The following MEMO1 variants were observed in gnomAD, a reference collection of about 807,000 sequenced individuals.
MEMO1 encodes protein MEMO1.
MEMO1 carries 6 observed loss-of-function variants against 45.2 expected under a neutral mutation model. The observed-to-expected ratio is 0.13, with a 90% CI of 0.07 to 0.26. The LOEUF (loss-of-function observed/expected upper bound fraction) is 0.26. Among genes scored for constraint, MEMO1 ranks in the 10% least tolerant of loss-of-function variants. The pLI is 1.00. For synonymous variants in MEMO1, 78 were observed against 124.3 expected (o/e 0.63, Z 2.48); for missense variants, 184 against 370.5 (o/e 0.50, Z 4.13).
intron 2 of MEMO1, among the ~76,000 whole-genome samples, chr2:31,976,921 C>A (rs1388580617): frequency 1.3e-5 from 2 of 152,088 alleles, no homozygotes; most frequent in East Asian, 1.9e-4. Context: ...TTATTGAGAT[C>A]TTTGTGTATA....
chr2:31,892,613 G>A (rs1398962663), intron 6 of MEMO1, among the ~76,000 whole-genome samples: 2 of 152,132 alleles, frequency 1.3e-5, no homozygotes, highest in South Asian at 2.1e-4. Context: ...TGCCAAGTGA[G>A]ACCTAAAAAC....
chr2:31,969,593 GTGTGTGT>G (rs1558542055), intron 2 of MEMO1, among the ~76,000 whole-genome samples: 206 of 68,932 alleles, frequency 3.0e-3, no homozygotes, highest in African/African-American at 7.5e-3. Flanking sequence ...GTGGGTGTGT[GTGTGTGT>G]GTGTGTGTGT....
At chr2:31,879,855 T>C (rs1462499950) in intron 8 of MEMO1, among the ~76,000 whole-genome samples, 2 of 152,174 alleles carry the variant, frequency 1.3e-5, no homozygotes, top group Non-Finnish European at 2.9e-5. Context: ...ACAAAACCCA[T>C]GTATAAGACT....
At chr2:32,000,701 C>T (rs997251838) in intron 2 of MEMO1, among the ~76,000 whole-genome samples, 20 of 152,108 alleles carry the variant, frequency 1.3e-4, no homozygotes, top group African/African-American at 4.1e-4. Context: ...AATATTGCAG[C>T]CTGGACCCCT....
chr2:31,983,718 G>A (rs1670936218), intron 2 of MEMO1, among the ~76,000 whole-genome samples: 2 of 152,352 alleles, frequency 1.3e-5, no homozygotes, highest in Non-Finnish European at 2.9e-5. Flanking sequence ...ACAGGCGTGA[G>A]CCACCGCGCC....
chr2:31,879,209 G>A (rs945653350), intron 8 of MEMO1, among the ~76,000 whole-genome samples: 3 of 152,130 alleles, frequency 2.0e-5, no homozygotes, highest in Non-Finnish European at 4.4e-5. Flanking sequence ...CACTGAAACT[G>A]CTCTTGCAAG....
chr2:31,912,513 C>CAAA (rs752295550), intron 6 of MEMO1, among the ~76,000 whole-genome samples: 22 of 60,530 alleles, frequency 3.6e-4, no homozygotes, highest in Admixed American at 6.8e-4. Flanking sequence ...AACTCTGTCT[C>CAAA]AAAAAAAAAA....
Position 31,950,540 on chromosome 2 carries a change from G to A in MEMO1, c.62-7157C>T, listed in dbSNP as rs186261678. 1.1e-3 allele frequency among the ~76,000 whole-genome samples: 169 copies of A among 151,960 alleles called. 1 individual carries two copies. Among genetic ancestry groups the A allele is most frequent in the African/African-American group, 4.0e-3 (166 of 41,458 alleles). Reference sequence around the variant, plus strand: ...TTGAGACCAGCCTGGCCAACATGGTGAAACCCCATCTCTACTAAAAACACA... The same window carrying A: ...TTGAGACCAGCCTGGCCAACATGGTAAAACCCCATCTCTACTAAAAACACA... On this transcript the variant is annotated intron_variant, in intron 2 of 9. Coordinates refer to ENST00000404530, the MANE Select transcript of MEMO1 (RefSeq NM_001301833.4).
chr2:31,992,046 T>C (rs1177705468), intron 2 of MEMO1, among the ~76,000 whole-genome samples: 4 of 152,192 alleles, frequency 2.6e-5, no homozygotes, highest in Non-Finnish European at 5.9e-5. Flanking sequence ...GTGAGAAGTT[T>C]CCAAATTTTA....
intron 6 of MEMO1, among the ~76,000 whole-genome samples, chr2:31,897,752 C>A (rs879612698): frequency 6.6e-6 from 1 of 152,036 alleles, no homozygotes; most frequent in Admixed American, 6.6e-5. Flanking sequence ...AGGGAGGAAC[C>A]CCTCTTTTTC....
intron 2 of MEMO1, among the ~76,000 whole-genome samples, chr2:31,987,751 A>C (rs1288283597): frequency 6.6e-6 from 1 of 152,158 alleles, no homozygotes; most frequent in Non-Finnish European, 1.5e-5. Flanking sequence ...TGAGCAATCT[A>C]GTTTTCTTCC....
chr2:31,985,242 C>A (rs998755628), intron 2 of MEMO1, among the ~76,000 whole-genome samples: 1 of 152,100 alleles, frequency 6.6e-6, no homozygotes, highest in South Asian at 2.1e-4. Flanking sequence ...TCTATAAACG[C>A]TGAAAGTGTT....
intron 3 of MEMO1, among the ~76,000 whole-genome samples, chr2:31,938,924 C>T (rs1279342278): frequency 1.3e-5 from 2 of 151,298 alleles, no homozygotes; most frequent in Admixed American, 1.3e-4. Context: ...GTAGCTGGGG[C>T]TGCAGGCTCA....
At chr2:32,010,698 C>T (rs2148641307) in intron 1 of MEMO1, 1 of 146,722 alleles carries the variant, frequency 6.8e-6, no homozygotes, top group Non-Finnish European at 1.5e-5. Context: ...CCGCGGGGCT[C>T]CCCGCACCCA....
chr2:31,890,033 G>A (rs1373838693), intron 7 of MEMO1, among the ~76,000 whole-genome samples: 2 of 151,998 alleles, frequency 1.3e-5, no homozygotes, highest in African/African-American at 2.4e-5. Flanking sequence ...AAGAATCTAG[G>A]TAGAAGGTAA....
At chr2:31,979,682 A>C (rs1185371695) in intron 2 of MEMO1, among the ~76,000 whole-genome samples, 1 of 152,178 alleles carries the variant, frequency 6.6e-6, no homozygotes, top group East Asian at 1.9e-4. Context: ...TAAAGTATTA[A>C]AAAACTGTGA....
intron 6 of MEMO1, among the ~76,000 whole-genome samples, chr2:31,910,269 T>C (rs1017787383): frequency 2.6e-5 from 4 of 152,020 alleles, no homozygotes; most frequent in Admixed American, 6.6e-5. Flanking sequence ...TTAAAAGAAG[T>C]CCCTCAGAGA....
intron 2 of MEMO1, among the ~76,000 whole-genome samples, chr2:31,984,008 A>C (rs1414863064): frequency 6.6e-6 from 1 of 152,254 alleles, no homozygotes; most frequent in Non-Finnish European, 1.5e-5. Flanking sequence ...AATATACATG[A>C]GTCCATACGG....
intron 7 of MEMO1, among the ~76,000 whole-genome samples, chr2:31,885,706 A>C (rs1676092140): frequency 6.6e-6 from 1 of 152,148 alleles, no homozygotes; most frequent in African/African-American, 2.4e-5. Flanking sequence ...ACACTAATAC[A>C]TTCTCTTTTC....
Sources: gnomAD v4.1 joint callset for allele counts (sites outside exome capture counted in the v4.1 genomes callset) on GRCh38, gnomAD v4.1.1 for gene constraint, MANE v1.5 for transcripts, NCBI Gene and HGNC (gene_info 2026-07-23, HGNC 2026-07-21) for gene names.